SORCS3: variants seen among roughly 807,000 people sequenced by gnomAD.
SORCS3 encodes VPS10 domain-containing receptor SorCS3.
SORCS3 carries 57 observed loss-of-function variants against 146.3 expected under a neutral mutation model. The ratio of observed to expected loss-of-function variants is 0.39; its 90% CI spans 0.31 to 0.49. SORCS3 has a LOEUF of 0.49. Among genes scored for constraint, SORCS3 ranks in the 20% least tolerant of loss-of-function variants. SORCS3 has a pLI of 0.92. For synonymous variants in SORCS3, 653 were observed against 618.5 expected (o/e 1.06, Z -0.83); for missense variants, 1,341 against 1,575.5 (o/e 0.85, Z 2.52).
rs141290366 is a variant in SORCS3, at chr10:104,871,669, C to T, written c.695+28810C>T. On this transcript the variant is annotated intron_variant, in intron 2 of 26. Coordinates refer to ENST00000369701, the MANE Select transcript of SORCS3 (RefSeq NM_014978.3). The stretch of plus-strand genomic sequence containing the variant: ...ATGCTTTGGTAATTGGTTTTGAATC[C>T]TTGATCCATTTTTATTTGAGCCACC... Among the ~76,000 whole-genome samples, 1,096 of 152,238 alleles carry T rather than the reference C, an allele frequency of 7.2e-3. 11 individuals carry two copies. The highest frequency in any genetic ancestry group is 0.025 in the African/African-American group (1,056 of 41,556).
In SORCS3 at chr10:105,063,737, A is replaced by AT. The variant is rs1249658138; in HGVS notation, c.1028+20610dup. Among the ~76,000 whole-genome samples, 6 of 152,322 alleles carry AT rather than the reference A, an allele frequency of 3.9e-5. No individual in the cohort carries two copies. In the East Asian group the frequency reaches 1.2e-3, roughly 29 times the overall value. ...ACTTGGAGCACTGTGGGGATGCTGA[A>AT]TAGACACCAGCCATGTCCCCTCCTT... On this transcript the variant is annotated intron_variant, in intron 5 of 26. Transcript: ENST00000369701.
chr10:104,991,382 G>T (rs1483951629), intron 4 of SORCS3, among the ~76,000 whole-genome samples: 3 of 152,034 alleles, frequency 2.0e-5, no homozygotes, highest in African/African-American at 7.2e-5. Flanking sequence ...TGAAGCCTCT[G>T]TCTTTGGCTT....
chr10:105,170,057 GGAAA>G (rs1228629694), intron 13 of SORCS3, among the ~76,000 whole-genome samples: 1 of 152,070 alleles, frequency 6.6e-6, no homozygotes, highest in Non-Finnish European at 1.5e-5. Flanking sequence ...CTTGTGCTGA[GGAAA>G]GAAAGAGTTT....
chr10:105,216,938 T>A lies in SORCS3; in HGVS notation c.2550T>A (p.Gly850=), dbSNP rs1194828160. 1 of 1,614,094 alleles carries A rather than the reference T, an allele frequency of 6.2e-7. No individual in the cohort carries two copies. The highest frequency in any genetic ancestry group is 8.5e-7 in the Non-Finnish European group (1 of 1,180,010). ...NATFIILMEE[G]DLQRTNIQLD... ...CCGTCTGCTATGCCATCTTGCAGGG[T>A]GATCTACAAAGGACAAACATCCAGC... Residue 850 remains glycine, a splice_region_variant and synonymous_variant, in exon 19 of 27, where the codon GGT becomes GGA. Coordinates refer to ENST00000369701, the MANE Select transcript of SORCS3 (RefSeq NM_014978.3).
At chr10:105,009,160 G>T (rs2055115748) in intron 4 of SORCS3, among the ~76,000 whole-genome samples, 1 of 152,062 alleles carries the variant, frequency 6.6e-6, no homozygotes, top group African/African-American at 2.4e-5. Flanking sequence ...TTATTTCCAA[G>T]TTGAAGAATT....
intron 3 of SORCS3, among the ~76,000 whole-genome samples, chr10:104,931,117 T>A (rs1022466593): frequency 2.0e-5 from 3 of 152,176 alleles, no homozygotes; most frequent in Admixed American, 1.3e-4. Flanking sequence ...GGCAAGTGAC[T>A]GAAAGTTTGT....
At chr10:105,196,182 T>C (rs545792560) in intron 14 of SORCS3, among the ~76,000 whole-genome samples, 1 of 152,078 alleles carries the variant, frequency 6.6e-6, no homozygotes, top group East Asian at 1.9e-4. Context: ...AGGCTCGGAG[T>C]CAATTAGGCT....
At position 104,692,800 on chromosome 10, in the gene SORCS3, C is replaced by T. The variant is rs570376914; in HGVS notation, c.627+50846C>T. Among the ~76,000 whole-genome samples the T allele has an allele frequency of 2.6e-5, 4 of 152,306 alleles. No individual in the cohort carries two copies. The East Asian group carries it at 7.7e-4, about 29-fold the overall frequency. ...GGCTATAAAGAAAAAGCATGTCTCT[C>T]TTCTCTAAGCAGGGCTGTCATTGCA... On this transcript the variant is annotated intron_variant, in intron 1 of 26. Coordinates refer to ENST00000369701, the MANE Select transcript of SORCS3 (RefSeq NM_014978.3).
chr10:104,976,408 G>A (rs376880254), intron 3 of SORCS3, among the ~76,000 whole-genome samples: 1 of 151,962 alleles, frequency 6.6e-6, no homozygotes, highest in Admixed American at 6.6e-5. Flanking sequence ...AAGTCAGGAA[G>A]CAACAGGTGC....
intron 3 of SORCS3, among the ~76,000 whole-genome samples, chr10:104,967,696 A>T (rs1200723851): frequency 2.0e-5 from 3 of 151,992 alleles, no homozygotes; most frequent in Non-Finnish European, 2.9e-5. Flanking sequence ...GGTTGGGGGG[A>T]TGGGGTCTGG....
chr10:105,217,134 G>A lies in SORCS3; in HGVS notation c.2734+12G>A. ...CCTGCATGTGGTTTGTAAGTAGGAG[G>A]CACCATCCCCGTTTTCCCTTTGTTC... On this transcript the variant is annotated intron_variant, in intron 19 of 26. Coordinates refer to ENST00000369701, the MANE Select transcript of SORCS3 (RefSeq NM_014978.3). The A allele has an allele frequency of 6.2e-7, 1 of 1,612,486 alleles. No individual in the cohort carries two copies. Among genetic ancestry groups the A allele is most frequent in the Non-Finnish European group, 8.5e-7 (1 of 1,178,884 alleles).
intron 2 of SORCS3, among the ~76,000 whole-genome samples, chr10:104,904,515 G>T (rs1269751504): frequency 3.3e-5 from 5 of 151,996 alleles, no homozygotes; most frequent in African/African-American, 4.8e-5. Context: ...CAAGATTTTG[G>T]CTAGAAACTG....
At chr10:105,259,736 G>C (rs368411162) in intron 25 of SORCS3, among the ~76,000 whole-genome samples, 1 of 151,816 alleles carries the variant, frequency 6.6e-6, no homozygotes, top group African/African-American at 2.4e-5. Context: ...GTTTTTTTAG[G>C]AGGGCTTTCC....
rs527357939 is a variant in SORCS3 at position 104,924,188 on chromosome 10, G to T, written c.795+8256G>T. On this transcript the variant is annotated intron_variant, in intron 3 of 26. Transcript: ENST00000369701. ...GGAGCTTAAAGGGCTCTCGGAGACT[G>T]TGCAGACCCTCATTGAACAGAAGAG... is the stretch of plus-strand genomic sequence containing the variant. Among the ~76,000 whole-genome samples, 67 of 152,274 alleles carry T rather than the reference G, an allele frequency of 4.4e-4. No individual in the cohort carries two copies. The South Asian group carries it at 0.013, about 30-fold the overall frequency.
At chr10:104,967,287 A>C (rs528497179) in intron 3 of SORCS3, among the ~76,000 whole-genome samples, 1 of 152,220 alleles carries the variant, frequency 6.6e-6, no homozygotes, top group Admixed American at 6.5e-5. Flanking sequence ...TGCAAAATGC[A>C]TGTAAAGTGA....
intron 7 of SORCS3, among the ~76,000 whole-genome samples, chr10:105,106,413 C>T (rs2055822148): frequency 6.6e-6 from 1 of 152,184 alleles, no homozygotes; most frequent in South Asian, 2.1e-4. Context: ...CAGTGTGACT[C>T]TCCATCCTCT....
chr10:104,705,030 G>A (rs1466387286), intron 1 of SORCS3, among the ~76,000 whole-genome samples: 1 of 151,980 alleles, frequency 6.6e-6, no homozygotes. Context: ...CCCCAGATAT[G>A]TCTATTATAG....
At chr10:104,821,985 G>A in intron 1 of SORCS3, 1 of 437,204 alleles carries the variant, frequency 2.3e-6, no homozygotes, top group Admixed American at 2.7e-5. Context: ...TTGAATGACA[G>A]CAGTGTTCAA....
chr10:104,779,899 G>C (rs1166382524), intron 1 of SORCS3, among the ~76,000 whole-genome samples: 1 of 152,194 alleles, frequency 6.6e-6, no homozygotes, highest in East Asian at 1.9e-4. Context: ...TCAGTGCTGA[G>C]TAACGTGGTT....
Sources: gnomAD v4.1 joint callset for allele counts (sites outside exome capture counted in the v4.1 genomes callset) on GRCh38, gnomAD v4.1.1 for gene constraint, MANE v1.5 for transcripts, NCBI Gene and HGNC (gene_info 2026-07-23, HGNC 2026-07-21) for gene names.